Variants in CEP89 observed in about 807,000 individuals in gnomAD.
CEP89 encodes the protein centrosomal protein 89.
In CEP89, 95 loss-of-function variants were observed where a neutral mutation model predicts 97.6. The observed-to-expected ratio is 0.97, with a 90% confidence interval of 0.82 to 1.15. CEP89 has a LOEUF of 1.15. Among genes scored for constraint, CEP89 ranks in the 50% most tolerant of loss-of-function variants. The probability of loss-of-function intolerance (pLI) is 0.00; values close to 1 mark genes in which losing one functional copy is unlikely to be tolerated. For missense variants in CEP89, 869 were observed against 947.7 expected (o/e 0.92, Z 1.09); for synonymous variants, 354 against 349.1 (o/e 1.01, Z -0.16).
chr19:32,895,690 C>T (rs1969625057), intron 16 of CEP89, among the ~76,000 whole-genome samples: 3 of 150,014 alleles, frequency 2.0e-5, no homozygotes, highest in Non-Finnish European at 4.4e-5. Flanking sequence ...TTCTCTTTGC[C>T]AATGACATGA....
rs1970855963 is a variant in CEP89, at chr19:32,948,963, T to C, written c.493-595A>G. 2.0e-5 allele frequency among the ~76,000 whole-genome samples: 3 copies of C among 152,174 alleles called. No homozygotes were observed. The South Asian group carries it at 6.2e-4, about 32-fold the overall frequency. On this transcript the variant is annotated intron_variant, in intron 4 of 18. Coordinates refer to ENST00000305768, the MANE Select transcript of CEP89 (RefSeq NM_032816.5). The stretch of plus-strand genomic sequence containing the variant: ...GGTTCGTCTCAAACTCCAGGGCCCA[T>C]GCGATCCTCCTGCTTCAGCCTCCCA...
chr19:32,876,224 C>A lies in CEP89; in HGVS notation c.*2938G>T, dbSNP rs1276568600. On this transcript the variant is annotated 3_prime_UTR_variant, in exon 19 of 19. Coordinates refer to ENST00000305768, the MANE Select transcript of CEP89 (RefSeq NM_032816.5). ...CTCCCAGGCTCAAGTGATCCTCCCA[C>A]CTCAGCCTCCTGAGTAGCTGAAACC... 1 of 152,658 alleles carries A rather than the reference C, an allele frequency of 6.6e-6. No homozygotes were observed. Among genetic ancestry groups the A allele is most frequent in the African/African-American group, 2.4e-5 (1 of 41,432 alleles). 9.5% of individuals were successfully genotyped at this position (152,658 alleles called of 1,614,324 possible). A position where few individuals can be genotyped will look rare whatever the true frequency, so the allele number is the denominator to read the frequency against.
intron 9 of CEP89, among the ~76,000 whole-genome samples, chr19:32,928,884 A>T (rs1216764456): frequency 6.6e-6 from 1 of 152,178 alleles, no homozygotes; most frequent in Non-Finnish European, 1.5e-5. Context: ...CTCCAGACAG[A>T]AAGCAGATCA....
At chr19:32,916,653 C>T (rs889745760) in intron 13 of CEP89, among the ~76,000 whole-genome samples, 2 of 152,110 alleles carry the variant, frequency 1.3e-5, no homozygotes, top group African/African-American at 2.4e-5. Flanking sequence ...AAGCGTCTGC[C>T]GACACTAGCA....
rs1056549532 is a variant in CEP89 at position 32,877,606 on chromosome 19, G to A, written c.*1556C>T. 2 of 152,162 alleles carry A rather than the reference G, an allele frequency of 1.3e-5. No homozygotes were observed. Among genetic ancestry groups the A allele is most frequent in the Non-Finnish European group, 2.9e-5 (2 of 68,138 alleles). The allele number at this position is 152,162 out of a possible 1,614,324, so 9.4% of individuals were successfully genotyped here. On this transcript the variant is annotated 3_prime_UTR_variant, in exon 19 of 19. Transcript: ENST00000305768. ...TCAAAGCCAGGGCTCTCATTACATG[G>A]GTGGGGAGCTGTGTGGCTCCAGAAT...
intron 7 of CEP89, chr19:32,937,395 T>C: frequency 2.1e-6 from 1 of 466,790 alleles, no homozygotes; most frequent in South Asian, 2.4e-5. Context: ...GATCCCAGCA[T>C]ATCCCACAGG....
intron 9 of CEP89, among the ~76,000 whole-genome samples, chr19:32,929,377 G>A (rs1036630982): frequency 2.0e-5 from 3 of 152,110 alleles, no homozygotes; most frequent in African/African-American, 7.2e-5. Flanking sequence ...TGAGGAGGGT[G>A]GATCATTTGA....
chr19:32,884,282 G>A (rs1164421697), intron 17 of CEP89, among the ~76,000 whole-genome samples: 1 of 152,022 alleles, frequency 6.6e-6, no homozygotes, highest in Non-Finnish European at 1.5e-5. Context: ...CAGAAATCTG[G>A]GTTATCTCTA....
At chr19:32,939,091 T>C (rs1028539627) in intron 6 of CEP89, among the ~76,000 whole-genome samples, 1 of 150,310 alleles carries the variant, frequency 6.7e-6, no homozygotes, top group Non-Finnish European at 1.5e-5. Flanking sequence ...TAAAAAAAAA[T>C]TTTTTTTTAA....
Position 32,877,240 on chromosome 19 carries a change from T to C in CEP89, c.*1922A>G, listed in dbSNP as rs1969191295. The stretch of plus-strand genomic sequence containing the variant: ...GTCATAAAAGAACTATGATTTTCTA[T>C]CTCACCCTTCCGTCTGGCAATCAAA... On this transcript the variant is annotated 3_prime_UTR_variant, in exon 19 of 19. Transcript: ENST00000305768. 1 of 152,204 alleles carries C rather than the reference T, an allele frequency of 6.6e-6. No individual in the cohort carries two copies. Among genetic ancestry groups the C allele is most frequent in the Admixed American group, 6.5e-5 (1 of 15,276 alleles). The allele number at this position is 152,204 out of a possible 1,614,324, so 9.4% of individuals were successfully genotyped here.
intron 9 of CEP89, 198 bp downstream of exon 9, chr19:32,931,231 A>C: frequency 1.8e-6 from 1 of 554,974 alleles, no homozygotes. Context: ...AATGTTTTAC[A>C]GTCTTTATTG....
At chr19:32,884,574 T>G (rs1301242598) in intron 17 of CEP89, among the ~76,000 whole-genome samples, 1 of 152,200 alleles carries the variant, frequency 6.6e-6, no homozygotes, top group Non-Finnish European at 1.5e-5. Flanking sequence ...TTAAAAAAAT[T>G]AAAACAATTT....
At chr19:32,884,442 G>T (rs1969351317) in intron 17 of CEP89, among the ~76,000 whole-genome samples, 1 of 152,056 alleles carries the variant, frequency 6.6e-6, no homozygotes, top group South Asian at 2.1e-4. Context: ...TTACCTATAG[G>T]ACACATTTCT....
chr19:32,889,717 T>G (rs1018348000), intron 16 of CEP89, among the ~76,000 whole-genome samples: 3 of 152,208 alleles, frequency 2.0e-5, no homozygotes, highest in African/African-American at 7.2e-5. Context: ...CGGGATTCCC[T>G]GCACGTCCTG....
At chr19:32,894,530 A>G (rs1258193102) in intron 16 of CEP89, among the ~76,000 whole-genome samples, 1 of 152,198 alleles carries the variant, frequency 6.6e-6, no homozygotes, top group Admixed American at 6.5e-5. Flanking sequence ...AGGGCTAAAG[A>G]TATCTCCAGG....
At chr19:32,969,741 G>A (rs1971359442) in intron 1 of CEP89, 1 of 152,332 alleles carries the variant, frequency 6.6e-6, no homozygotes, top group South Asian at 2.1e-4. Flanking sequence ...GCTCCTGCCT[G>A]CGCGGCTGCA....
At chr19:32,958,133 C>T (rs762675953) in intron 3 of CEP89, among the ~76,000 whole-genome samples, 5 of 150,748 alleles carry the variant, frequency 3.3e-5, no homozygotes, top group Admixed American at 6.6e-5. Flanking sequence ...ACGATTTACT[C>T]GTTTTTAGTT....
rs1568559832 is a variant in CEP89 at position 32,918,878 on chromosome 19, C to CTTTTCT, written c.1269-540_1269-539insAGAAAA. On this transcript the variant is annotated intron_variant, in intron 12 of 18. Coordinates refer to ENST00000305768, the MANE Select transcript of CEP89 (RefSeq NM_032816.5). ...GGTTTCTTTTTTCTTTTTTCTTTTT[C>CTTTTCT]TTTTTCTTTTTTTTTTTTTTTTTTG... 1.6e-4 allele frequency among the ~76,000 whole-genome samples: 18 copies of CTTTTCT among 110,834 alleles called. 1 individual carries two copies. The highest frequency in any genetic ancestry group is 2.3e-4 in the Non-Finnish European group (12 of 51,480). The allele number at this position is 110,834 out of a possible 152,430, so 72.7% of individuals were successfully genotyped here. A position where few individuals can be genotyped will look rare whatever the true frequency, so the allele number is the denominator to read the frequency against.
chr19:32,932,097 C>T (rs1315075712), intron 8 of CEP89, among the ~76,000 whole-genome samples: 2 of 151,584 alleles, frequency 1.3e-5, no homozygotes, highest in Non-Finnish European at 1.5e-5. Flanking sequence ...AGGAGAATGG[C>T]GTGAACCCAG....
Sources: gnomAD v4.1 joint callset for allele counts (sites outside exome capture counted in the v4.1 genomes callset) on GRCh38, gnomAD v4.1.1 for gene constraint, MANE v1.5 for transcripts, NCBI Gene and HGNC (gene_info 2026-07-23, HGNC 2026-07-21) for gene names.